Variants in VGLL4 observed in about 807,000 individuals in gnomAD.
VGLL4 encodes transcription cofactor vestigial-like protein 4.
Under a neutral mutation model 21.0 loss-of-function variants are expected in VGLL4, and 7 were observed. The ratio of observed to expected loss-of-function variants is 0.33; its 90% confidence interval spans 0.19 to 0.63. The LOEUF is 0.63. Ranked by LOEUF, VGLL4 falls within the 20% of genes least tolerant of loss-of-function variation. The pLI is 0.78. For missense variants in VGLL4, 394 were observed against 425.7 expected, an observed-to-expected ratio of 0.93 and a Z score of 0.66; for synonymous variants, 222 against 173.2, an observed-to-expected ratio of 1.28 and a Z score of -2.21.
At chr3:11,598,668 T>G (rs1303918328) in intron 2 of VGLL4, among the ~76,000 whole-genome samples, 2 of 152,008 alleles carry the variant, frequency 1.3e-5, no homozygotes, top group East Asian at 1.9e-4. Context: ...TTTTAAAATT[T>G]TTTGTAGAGA....
chr3:11,598,169 G>A (rs1010326423), intron 2 of VGLL4, among the ~76,000 whole-genome samples: 2 of 152,020 alleles, frequency 1.3e-5, no homozygotes, highest in South Asian at 2.1e-4. Context: ...GACTACAGGC[G>A]CACACCACCA....
At chr3:11,585,391 C>A (rs2074338514) in intron 2 of VGLL4, among the ~76,000 whole-genome samples, 2 of 151,142 alleles carry the variant, frequency 1.3e-5, no homozygotes. Flanking sequence ...CGAGATTGCG[C>A]CACTGCACTC....
At chr3:11,716,522 T>C (rs1474045008) in intron 1 of VGLL4, among the ~76,000 whole-genome samples, 2 of 152,034 alleles carry the variant, frequency 1.3e-5, no homozygotes, top group African/African-American at 4.8e-5. Flanking sequence ...GATTTGGGGC[T>C]TACAAATAAA....
At chr3:11,652,811 T>C (rs968336491) in intron 2 of VGLL4, among the ~76,000 whole-genome samples, 1 of 152,238 alleles carries the variant, frequency 6.6e-6, no homozygotes, top group East Asian at 1.9e-4. Flanking sequence ...CTTTAACTTG[T>C]TAGTTTTACA....
At chr3:11,559,532 C>G (rs1211784988) in intron 3 of VGLL4, 77 bp from the exon 4 acceptor site, 1 of 1,447,178 alleles carries the variant, frequency 6.9e-7, no homozygotes. Context: ...TCCCCAGCAC[C>G]CTTCAGGCTC....
chr3:11,606,689 T>C (rs977740595), intron 1 of VGLL4, among the ~76,000 whole-genome samples: 4 of 151,940 alleles, frequency 2.6e-5, no homozygotes, highest in Admixed American at 2.6e-4. Flanking sequence ...ATCAATCAGC[T>C]CTCTGTGGGT....
At chr3:11,702,455 C>CAAAAAAAAAAA (rs56189603) in intron 2 of VGLL4, among the ~76,000 whole-genome samples, 3 of 96,170 alleles carry the variant, frequency 3.1e-5, no homozygotes, top group African/African-American at 8.8e-5. Context: ...ACTAAAAATA[C>CAAAAAAAAAAA]AAAAAAAAAA....
Position 11,719,371 on chromosome 3 carries a change from C to T in VGLL4, c.-14+1023G>A, listed in dbSNP as rs1273640683. The T allele has an allele frequency of 6.6e-6, 1 of 152,202 alleles. No individual in the cohort carries two copies. The highest frequency in any genetic ancestry group is 1.5e-5 in the Non-Finnish European group (1 of 68,136). The allele number at this position is 152,202 out of a possible 1,614,324, so 9.4% of individuals were successfully genotyped here. A position where few individuals can be genotyped will look rare whatever the true frequency, so the allele number is the denominator to read the frequency against. On this transcript the variant is annotated intron_variant, in intron 1 of 5. Coordinates refer to the VGLL4 transcript ENST00000273038. The surrounding 1 kb of genome is among the most constrained non-coding windows in gnomAD (Gnocchi z 4.0). ...CCAAGGCCCCTCTCAGGCCAGCCCT[C>T]GCCCAGCCCGGGTCCCGCCCCGCCG...
chr3:11,607,085 T>C (rs1263067502), intron 1 of VGLL4: 2 of 120,640 alleles, frequency 1.7e-5, no homozygotes, highest in Non-Finnish European at 3.4e-5. Context: ...ATTCTAGTCC[T>C]GGGTACATAA....
chr3:11,711,708 C>A (rs887652352), intron 1 of VGLL4, among the ~76,000 whole-genome samples: 1 of 151,862 alleles, frequency 6.6e-6, no homozygotes, highest in African/African-American at 2.4e-5. Flanking sequence ...CAGAGGGAGA[C>A]CCTGTCTCAA....
intron 1 of VGLL4, among the ~76,000 whole-genome samples, chr3:11,609,883 T>C (rs2075022814): frequency 6.6e-6 from 1 of 152,202 alleles, no homozygotes; most frequent in Non-Finnish European, 1.5e-5. Context: ...TACAGTCAAA[T>C]GTATCTTGCT....
intron 2 of VGLL4, among the ~76,000 whole-genome samples, chr3:11,695,860 C>G (rs2076600475): frequency 6.6e-6 from 1 of 152,126 alleles, no homozygotes; most frequent in Non-Finnish European, 1.5e-5. Flanking sequence ...ATCAGATAAG[C>G]CTCCAAACTA....
intron 2 of VGLL4, among the ~76,000 whole-genome samples, chr3:11,576,515 G>A (rs149559215): frequency 8.5e-5 from 13 of 152,310 alleles, no homozygotes; most frequent in Non-Finnish European, 1.9e-4. Flanking sequence ...AGTGTCTGAG[G>A]TGGACAAAAC....
At chr3:11,571,887 G>A (rs1249968191) in intron 2 of VGLL4, among the ~76,000 whole-genome samples, 1 of 152,052 alleles carries the variant, frequency 6.6e-6, no homozygotes, top group Non-Finnish European at 1.5e-5. Flanking sequence ...CCGGCAGATG[G>A]CTTTAGCCTA....
chr3:11,711,303 G>A (rs1283131563), intron 1 of VGLL4, among the ~76,000 whole-genome samples: 1 of 152,138 alleles, frequency 6.6e-6, no homozygotes, highest in Non-Finnish European at 1.5e-5. Context: ...ACTTTGGGAG[G>A]CTGAGGCGGG....
chr3:11,590,046 G>C (rs1273939478), intron 2 of VGLL4, among the ~76,000 whole-genome samples: 1 of 152,186 alleles, frequency 6.6e-6, no homozygotes, highest in African/African-American at 2.4e-5. Flanking sequence ...CTCAAAGCCT[G>C]AAAGGTGCTA....
intron 1 of VGLL4, among the ~76,000 whole-genome samples, chr3:11,615,430 T>C (rs2075143631): frequency 6.6e-6 from 1 of 152,238 alleles, no homozygotes; most frequent in Non-Finnish European, 1.5e-5. Flanking sequence ...TTAAATCTTT[T>C]TGGCAAGAAT....
rs1388563013 is a variant in VGLL4, at chr3:11,719,547, AGCCCCCGCACGG to A, written c.-14+835_-14+846del. On this transcript the variant is annotated intron_variant, in intron 1 of 5. Coordinates refer to the VGLL4 transcript ENST00000273038. This position sits in a 1 kb window ranked among gnomAD's most constrained non-coding sequence, Gnocchi z 4.0. ...AGACGCACAGGCGGGCTCGCGCCCG[AGCCCCCGCACGG>A]GCCCCCGCCAAACACGCACACGCAC... The A allele has an allele frequency of 6.6e-6, 1 of 150,528 alleles. No individual in the cohort carries two copies. The highest frequency in any genetic ancestry group is 1.5e-5 in the Non-Finnish European group (1 of 67,204). The allele number at this position is 150,528 out of a possible 1,614,324, so 9.3% of individuals were successfully genotyped here. A position where few individuals can be genotyped will look rare whatever the true frequency, so the allele number is the denominator to read the frequency against.
At chr3:11,599,937 G>A (rs2074750645) in intron 2 of VGLL4, among the ~76,000 whole-genome samples, 1 of 152,082 alleles carries the variant, frequency 6.6e-6, no homozygotes, top group Admixed American at 6.5e-5. Flanking sequence ...ATCCTATGAG[G>A]AAGGAATTAA....
Sources: gnomAD v4.1 joint callset for allele counts (sites outside exome capture counted in the v4.1 genomes callset) on GRCh38, gnomAD v4.1.1 for gene constraint, Gnocchi (gnomAD v3.1) non-coding constraint, MANE v1.5 for transcripts, NCBI Gene and HGNC (gene_info 2026-07-23, HGNC 2026-07-21) for gene names.